Variants in LRRC63 observed in about 807,000 individuals in gnomAD.
The protein encoded by LRRC63 is leucine-rich repeat-containing protein 63.
Under a neutral mutation model 49.5 loss-of-function variants are expected in LRRC63, and 40 were observed. The observed-to-expected ratio is 0.81, with a 90% CI of 0.63 to 1.05. LRRC63 has a LOEUF of 1.05. LRRC63 is among the 50% of genes least tolerant of loss of function. The probability of loss-of-function intolerance (pLI) is 0.00; values close to 1 mark genes in which losing one functional copy is unlikely to be tolerated. For missense variants in LRRC63, 636 were observed against 663.1 expected (o/e 0.96, Z 0.45); for synonymous variants, 191 against 221.1 (o/e 0.86, Z 1.21).
intron 9 of LRRC63, 54 bp from the exon 10 acceptor site, chr13:46,276,536 A>G: frequency 1.1e-6 from 1 of 879,020 alleles, no homozygotes; most frequent in Non-Finnish European, 1.5e-6. Context: ...TGCATAGCAC[A>G]GAGTCTTTAG....
At chr13:46,262,753 A>G (rs1054855817) in intron 8 of LRRC63, among the ~76,000 whole-genome samples, 3 of 152,086 alleles carry the variant, frequency 2.0e-5, no homozygotes, top group Admixed American at 2.0e-4. Flanking sequence ...TGTGATTGTT[A>G]CTATGAATGT....
intron 7 of LRRC63, among the ~76,000 whole-genome samples, chr13:46,258,827 AT>A (rs973801457): frequency 8.6e-5 from 13 of 150,994 alleles, no homozygotes; most frequent in Non-Finnish European, 1.8e-4. Context: ...AAAAAAAAAA[AT>A]CTTGTAAATT....
At chr13:46,218,866 A>G (rs1033572245) in intron 2 of LRRC63, among the ~76,000 whole-genome samples, 1 of 152,166 alleles carries the variant, frequency 6.6e-6, no homozygotes, top group African/African-American at 2.4e-5. Flanking sequence ...TATGAAGCTT[A>G]GTTGGGCTGG....
chr13:46,243,363 A>G (rs1694882894), intron 5 of LRRC63, among the ~76,000 whole-genome samples: 1 of 152,222 alleles, frequency 6.6e-6, no homozygotes, highest in African/African-American at 2.4e-5. Context: ...ACACAAAGGT[A>G]GTAAGAGAGG....
chr13:46,259,219 T>C (rs2047574996), intron 7 of LRRC63, among the ~76,000 whole-genome samples: 1 of 152,170 alleles, frequency 6.6e-6, no homozygotes, highest in South Asian at 2.1e-4. Context: ...TTCAACTCTC[T>C]TATAAAATGA....
chr13:46,227,410 T>G, intron 2 of LRRC63, 102 bp from the exon 3 acceptor site: 3 of 754,746 alleles, frequency 4.0e-6, no homozygotes, highest in Non-Finnish European at 6.0e-6. Flanking sequence ...TTTTAGAAGG[T>G]GAGAAAGGGG....
At chr13:46,219,673 A>G (rs552083633) in intron 2 of LRRC63, among the ~76,000 whole-genome samples, 1 of 152,234 alleles carries the variant, frequency 6.6e-6, no homozygotes, top group South Asian at 2.1e-4. Flanking sequence ...TTTGGAGGAG[A>G]AGAGGCATTC....
At chr13:46,260,856 C>T (rs1361147369) in intron 7 of LRRC63, among the ~76,000 whole-genome samples, 1 of 152,148 alleles carries the variant, frequency 6.6e-6, no homozygotes, top group African/African-American at 2.4e-5. Flanking sequence ...TCATGAGGAC[C>T]TTTATATGCC....
At chr13:46,268,788 C>G (rs1360378657) in intron 9 of LRRC63, among the ~76,000 whole-genome samples, 1 of 150,324 alleles carries the variant, frequency 6.7e-6, no homozygotes, top group Non-Finnish European at 1.5e-5. Flanking sequence ...GTGAGAAAAG[C>G]AGTTGGAAAA....
intron 2 of LRRC63, among the ~76,000 whole-genome samples, chr13:46,224,830 A>G (rs2046521836): frequency 6.6e-6 from 1 of 152,148 alleles, no homozygotes; most frequent in Non-Finnish European, 1.5e-5. Context: ...TTCTTTGGCT[A>G]TAAATAGCAT....
intron 9 of LRRC63, among the ~76,000 whole-genome samples, chr13:46,274,718 CTTT>C (rs1566517345): frequency 6.6e-6 from 1 of 151,932 alleles, no homozygotes; most frequent in African/African-American, 2.4e-5. Context: ...TTATTTTTTT[CTTT>C]TATTTTTAGT....
chr13:46,242,507 G>A (rs949632822), intron 5 of LRRC63, among the ~76,000 whole-genome samples: 2 of 152,006 alleles, frequency 1.3e-5, no homozygotes, highest in Non-Finnish European at 2.9e-5. Flanking sequence ...CATATTTAAG[G>A]AAATAATGGC....
chr13:46,265,002 C>T (rs535872778), intron 8 of LRRC63, among the ~76,000 whole-genome samples: 32 of 152,082 alleles, frequency 2.1e-4, no homozygotes, highest in Non-Finnish European at 3.7e-4. Flanking sequence ...ACTAAAAAGA[C>T]GAAAATTAGC....
At position 46,215,668 on chromosome 13, in the gene LRRC63, G is replaced by A. The variant is rs1156870692; in HGVS notation, c.85+2549G>A. On this transcript the variant is annotated intron_variant, in intron 2 of 9. Coordinates refer to ENST00000595396, the Ensembl canonical transcript of LRRC63. ...GGCTTTGGTTGCCACTGCTTTTGGC[G>A]TTTTTGTCATGAAGTCTTTGCCCAT... Among the ~76,000 whole-genome samples the A allele has an allele frequency of 3.9e-5, 6 of 152,118 alleles. No individual in the cohort carries two copies. The East Asian group carries it at 9.6e-4, about 24-fold the overall frequency.
chr13:46,234,465 G>C (rs2046851071), intron 5 of LRRC63, 116 bp downstream of exon 5: 1 of 987,120 alleles, frequency 1.0e-6, no homozygotes, highest in Admixed American at 3.2e-5. Context: ...TATTACAATA[G>C]AGATTTCTTA....
At chr13:46,240,750 A>G (rs557466413) in intron 5 of LRRC63, among the ~76,000 whole-genome samples, 2 of 152,334 alleles carry the variant, frequency 1.3e-5, no homozygotes, top group South Asian at 4.1e-4. Context: ...ATAAAGAATA[A>G]GATCTTTAGG....
At chr13:46,246,616 T>G in exon 6 of LRRC63, 4 of 1,425,516 alleles carry the variant, frequency 2.8e-6, no homozygotes, top group Non-Finnish European at 3.7e-6. Context: ...TTCATTACTT[T>G]CCCACAGAAG....
chr13:46,245,376 A>G (rs2047185702), intron 5 of LRRC63, among the ~76,000 whole-genome samples: 1 of 152,202 alleles, frequency 6.6e-6, no homozygotes, highest in Admixed American at 6.5e-5. Flanking sequence ...CATTTATAGA[A>G]TGATACATCC....
intron 2 of LRRC63, among the ~76,000 whole-genome samples, chr13:46,220,302 G>A (rs1471968341): frequency 6.6e-6 from 1 of 152,182 alleles, no homozygotes; most frequent in African/African-American, 2.4e-5. Flanking sequence ...GAGATGCCCT[G>A]CCCAGAGAGG....
Sources: allele counts gnomAD v4.1 joint callset (sites outside exome capture counted in the v4.1 genomes callset), GRCh38; gene constraint gnomAD v4.1.1; transcripts MANE v1.5; gene names NCBI Gene and HGNC (gene_info 2026-07-23, HGNC 2026-07-21).